Variants in ATP8A2 observed in about 807,000 individuals in gnomAD.
ATP8A2 encodes ATPase phospholipid transporting 8A2, also known as phospholipid-transporting ATPase IB.
A neutral mutation model predicts 165.6 loss-of-function variants in ATP8A2; 100 were observed. The observed-to-expected ratio is 0.60, with a 90% CI of 0.51 to 0.71. ATP8A2 has a LOEUF of 0.71. Among genes scored for constraint, ATP8A2 ranks in the 30% least tolerant of loss-of-function variants. The probability of loss-of-function intolerance (pLI) is 0.00; values close to 1 mark genes in which losing one functional copy is unlikely to be tolerated. For missense variants in ATP8A2, 1,227 were observed against 1,479.5 expected, an observed-to-expected ratio of 0.83 and a Z score of 2.80; for synonymous variants, 543 against 548.8, an observed-to-expected ratio of 0.99 and a Z score of 0.15.
intron 2 of ATP8A2, among the ~76,000 whole-genome samples, chr13:25,506,959 A>ATATATATATATC: frequency 6.9e-6 from 1 of 145,946 alleles, no homozygotes; most frequent in South Asian, 2.2e-4. Context: ...ATATATATAT[A>ATATATATATATC]TATCTTATTT....
chr13:25,624,787 A>G (rs1268971381), intron 24 of ATP8A2, among the ~76,000 whole-genome samples: 2 of 152,210 alleles, frequency 1.3e-5, no homozygotes, highest in Admixed American at 1.3e-4. Context: ...TAAATTGATT[A>G]GTACAATTTT....
rs306407 is a variant in ATP8A2 at position 25,933,900 on chromosome 13, C to G, written c.3184-27675C>G. ...GTCCAATTCACAGAGGAATTTATTG[C>G]CAAGATCACAGCCACAGCAAGACCT... On this transcript the variant is annotated intron_variant, in intron 33 of 36. Coordinates refer to ENST00000381655, the MANE Select transcript of ATP8A2 (RefSeq NM_016529.6). 5.1e-3 allele frequency among the ~76,000 whole-genome samples: 774 copies of G among 152,288 alleles called. 5 individuals are homozygous for G. Among genetic ancestry groups the G allele is most frequent in the African/African-American group, 0.018 (734 of 41,560 alleles).
At chr13:25,993,191 T>G (rs969613483) in intron 35 of ATP8A2, among the ~76,000 whole-genome samples, 14 of 152,194 alleles carry the variant, frequency 9.2e-5, no homozygotes, top group African/African-American at 3.4e-4. Context: ...TATAGTCATT[T>G]GGGTATATAC....
chr13:25,452,380 C>G (rs989950617), intron 1 of ATP8A2, among the ~76,000 whole-genome samples: 2 of 152,188 alleles, frequency 1.3e-5, no homozygotes, highest in Non-Finnish European at 2.9e-5. Context: ...CTCTTCTTCA[C>G]CAAAATACTT....
intron 35 of ATP8A2, among the ~76,000 whole-genome samples, chr13:26,001,108 T>C (rs969363323): frequency 5.3e-5 from 8 of 152,258 alleles, no homozygotes; most frequent in Admixed American, 1.3e-4. Flanking sequence ...TTTGCCTATT[T>C]TGGACATTTC....
chr13:25,551,794 C>T (rs568348636), intron 11 of ATP8A2, among the ~76,000 whole-genome samples: 29 of 152,178 alleles, frequency 1.9e-4, no homozygotes, highest in African/African-American at 6.7e-4. Context: ...TCCAAATCTA[C>T]TTTTGATTAA....
intron 33 of ATP8A2, among the ~76,000 whole-genome samples, chr13:25,893,806 G>T (rs1482689064): frequency 1.3e-5 from 2 of 152,138 alleles, no homozygotes; most frequent in African/African-American, 4.8e-5. Flanking sequence ...GGCCAGTGAT[G>T]ATGAGCATTT....
chr13:25,600,776 G>A (rs1435349178), intron 24 of ATP8A2, among the ~76,000 whole-genome samples: 1 of 152,174 alleles, frequency 6.6e-6, no homozygotes, highest in Non-Finnish European at 1.5e-5. Context: ...GGTAAGAAAG[G>A]AGTCTAAGAA....
At chr13:25,837,385 T>A in intron 29 of ATP8A2, 100 bp downstream of exon 29, 1 of 1,379,282 alleles carries the variant, frequency 7.3e-7, no homozygotes, top group South Asian at 1.3e-5. Context: ...GAAAGAACAT[T>A]TGAGAAGTGC....
chr13:25,748,338 CCTGATTTTTCTCCTCAGGACACAT>C (rs2044080006), intron 25 of ATP8A2, among the ~76,000 whole-genome samples: 1 of 152,258 alleles, frequency 6.6e-6, no homozygotes, highest in Admixed American at 6.5e-5. Context: ...TTTGGAATGA[CCTGATTTTTCTCCTCAGGACACAT>C]CTGAATTTTC....
intron 30 of ATP8A2, among the ~76,000 whole-genome samples, chr13:25,857,570 C>CTTT (rs71080207): frequency 2.2e-4 from 20 of 91,574 alleles, no homozygotes; most frequent in East Asian, 3.0e-4. Flanking sequence ...CTTTTTTTTC[C>CTTT]TTTTTTTTTT....
chr13:25,735,897 C>T lies in ATP8A2; in HGVS notation c.2385-33149C>T, dbSNP rs78871300. Among the ~76,000 whole-genome samples, 1,164 of 152,346 alleles carry T rather than the reference C, an allele frequency of 7.6e-3. 22 individuals are homozygous for T. The highest frequency in any genetic ancestry group is 0.027 in the African/African-American group (1,111 of 41,582). ...CCTAGGTCTTCAGATTCACTCACTA[C>T]TCACTGACTCACCCAGAGCAACGTC... On this transcript the variant is annotated intron_variant, in intron 25 of 36. Coordinates refer to ENST00000381655, the MANE Select transcript of ATP8A2 (RefSeq NM_016529.6).
At chr13:25,566,519 T>C (rs999397931) in intron 16 of ATP8A2, among the ~76,000 whole-genome samples, 1 of 152,060 alleles carries the variant, frequency 6.6e-6, no homozygotes, top group Non-Finnish European at 1.5e-5. Flanking sequence ...GTTAGGATGG[T>C]GAATGGAAAA....
intron 2 of ATP8A2, among the ~76,000 whole-genome samples, chr13:25,504,733 C>A (rs1315774591): frequency 8.6e-6 from 1 of 116,224 alleles, no homozygotes; most frequent in Non-Finnish European, 1.7e-5. Flanking sequence ...GGCGACAGAG[C>A]GAGACTCCGT....
At chr13:25,771,736 A>G (rs1258490127) in intron 26 of ATP8A2, among the ~76,000 whole-genome samples, 2 of 152,056 alleles carry the variant, frequency 1.3e-5, no homozygotes, top group Non-Finnish European at 2.9e-5. Flanking sequence ...CCATGGTCCT[A>G]TTGCCGATTA....
chr13:25,845,691 C>T lies in ATP8A2; in HGVS notation c.2956+6067C>T, dbSNP rs575832825. Among the ~76,000 whole-genome samples, 23 of 152,196 alleles carry T rather than the reference C, an allele frequency of 1.5e-4. No individual in the cohort carries two copies. In the South Asian group the frequency reaches 4.8e-3, roughly 32 times the overall value. ...AAAACTCAGTGTGACTCTCTTTTCC[C>T]CTGGCATTCTTGGGTCATATTAGTT... is the stretch of plus-strand genomic sequence containing the variant. On this transcript the variant is annotated intron_variant, in intron 30 of 36. Coordinates refer to ENST00000381655, the MANE Select transcript of ATP8A2 (RefSeq NM_016529.6).
At chr13:25,429,288 G>T (rs962241545) in intron 1 of ATP8A2, among the ~76,000 whole-genome samples, 4 of 150,648 alleles carry the variant, frequency 2.7e-5, no homozygotes, top group South Asian at 4.2e-4. Flanking sequence ...GAGAATTGCT[G>T]GAACCTGGGA....
At chr13:25,606,442 T>C (rs1459200544) in intron 24 of ATP8A2, among the ~76,000 whole-genome samples, 1 of 152,182 alleles carries the variant, frequency 6.6e-6, no homozygotes, top group East Asian at 1.9e-4. Flanking sequence ...TGGAACATGG[T>C]TATTATTTCT....
chr13:25,590,480 G>C (rs972802775), intron 24 of ATP8A2, among the ~76,000 whole-genome samples: 11 of 152,100 alleles, frequency 7.2e-5, no homozygotes, highest in African/African-American at 2.7e-4. Flanking sequence ...TTAATTCTCT[G>C]ATGTCCCAAT....
Sources: allele counts gnomAD v4.1 joint callset (sites outside exome capture counted in the v4.1 genomes callset), GRCh38; gene constraint gnomAD v4.1.1; transcripts MANE v1.5; gene names NCBI Gene and HGNC (gene_info 2026-07-23, HGNC 2026-07-21).